Variants in CTNND2 observed in about 807,000 individuals in gnomAD.
CTNND2 encodes the protein catenin delta-2.
Under a neutral mutation model 144.4 loss-of-function variants are expected in CTNND2, and 22 were observed. That is an observed-to-expected ratio of 0.15 (90% CI 0.11 to 0.22). The LOEUF is 0.22. Ranked by LOEUF, CTNND2 falls within the 10% of genes least tolerant of loss-of-function variation. CTNND2 has a pLI of 1.00. For missense variants in CTNND2, 1,353 were observed against 1,618.8 expected (o/e 0.84, Z 2.82); for synonymous variants, 751 against 695.6 (o/e 1.08, Z -1.25).
At chr5:11,517,089 T>C (rs968743045) in intron 3 of CTNND2, among the ~76,000 whole-genome samples, 3 of 152,200 alleles carry the variant, frequency 2.0e-5, no homozygotes, top group African/African-American at 7.2e-5. Context: ...TTCTAGTTGC[T>C]GAATAAGCAA....
chr5:11,656,649 A>C (rs1377601949), intron 2 of CTNND2, among the ~76,000 whole-genome samples: 1 of 152,120 alleles, frequency 6.6e-6, no homozygotes, highest in Non-Finnish European at 1.5e-5. Context: ...TTGACAGGAA[A>C]GTCTTCACCC....
At chr5:11,331,605 A>G (rs1351144783) in intron 9 of CTNND2, among the ~76,000 whole-genome samples, 2 of 152,106 alleles carry the variant, frequency 1.3e-5, no homozygotes, top group Admixed American at 6.5e-5. Flanking sequence ...CCTATGGAAA[A>G]GTTTTCAGGG....
At chr5:11,815,903 C>A (rs1380295072) in intron 1 of CTNND2, among the ~76,000 whole-genome samples, 2 of 152,142 alleles carry the variant, frequency 1.3e-5, no homozygotes, top group African/African-American at 4.8e-5. Context: ...AAGGCTCCTC[C>A]TCATCATCTC....
At chr5:11,242,410 A>G (rs1390472270) in intron 9 of CTNND2, among the ~76,000 whole-genome samples, 5 of 152,242 alleles carry the variant, frequency 3.3e-5, no homozygotes, top group Non-Finnish European at 5.9e-5. Flanking sequence ...GCCTGCTATA[A>G]TCATTCTCTT....
chr5:11,506,971 G>T (rs25931), intron 3 of CTNND2, among the ~76,000 whole-genome samples: 1 of 151,960 alleles, frequency 6.6e-6, no homozygotes, highest in African/African-American at 2.4e-5. Flanking sequence ...CCCTTACATC[G>T]AATTAGTTGT....
At chr5:11,110,014 G>A (rs557135929) in intron 14 of CTNND2, among the ~76,000 whole-genome samples, 3 of 151,826 alleles carry the variant, frequency 2.0e-5, no homozygotes, top group Non-Finnish European at 4.4e-5. Context: ...TAAGCTCCTT[G>A]ATGAGATAAA....
At chr5:11,126,133 C>G (rs542289601) in intron 12 of CTNND2, among the ~76,000 whole-genome samples, 1 of 152,248 alleles carries the variant, frequency 6.6e-6, no homozygotes, top group South Asian at 2.1e-4. Flanking sequence ...GAATCCCTGT[C>G]TCTACTAAAA....
At chr5:11,396,905 C>T in intron 6 of CTNND2, 126 bp downstream of exon 6, 2 of 864,742 alleles carry the variant, frequency 2.3e-6, no homozygotes, top group Non-Finnish European at 3.5e-6. Context: ...GGCATTTTCC[C>T]TCAAGTTGAG....
chr5:11,068,336 C>T (rs1747844551), intron 16 of CTNND2, among the ~76,000 whole-genome samples: 2 of 152,126 alleles, frequency 1.3e-5, no homozygotes, highest in African/African-American at 4.8e-5. Context: ...GTGCATCCAA[C>T]TTTAAGAATG....
At chr5:11,845,955 T>C (rs931821255) in intron 1 of CTNND2, among the ~76,000 whole-genome samples, 1 of 152,204 alleles carries the variant, frequency 6.6e-6, no homozygotes, top group Non-Finnish European at 1.5e-5. Flanking sequence ...AGAGAAACTT[T>C]GATTTGTACT....
At chr5:11,233,046 T>C (rs1244646035) in intron 10 of CTNND2, among the ~76,000 whole-genome samples, 1 of 152,170 alleles carries the variant, frequency 6.6e-6, no homozygotes, top group East Asian at 1.9e-4. Flanking sequence ...GCCATGATTA[T>C]AAGTTTCCTG....
At chr5:11,615,459 T>C (rs945580493) in intron 2 of CTNND2, among the ~76,000 whole-genome samples, 1 of 152,244 alleles carries the variant, frequency 6.6e-6, no homozygotes, top group Non-Finnish European at 1.5e-5. Context: ...ATAAGCATTT[T>C]AGCATGACTA....
intron 1 of CTNND2, among the ~76,000 whole-genome samples, chr5:11,893,540 C>G (rs1737158649): frequency 6.6e-6 from 1 of 152,208 alleles, no homozygotes; most frequent in African/African-American, 2.4e-5. Flanking sequence ...CTACCTTGCA[C>G]CTTTCCACTT....
At chr5:11,677,617 G>A (rs932530519) in intron 2 of CTNND2, among the ~76,000 whole-genome samples, 1 of 152,098 alleles carries the variant, frequency 6.6e-6, no homozygotes, top group Non-Finnish European at 1.5e-5. Context: ...AGATAATAAT[G>A]TGTTTATGAA....
intron 16 of CTNND2, among the ~76,000 whole-genome samples, chr5:11,036,167 A>G (rs1185696985): frequency 6.6e-6 from 1 of 151,988 alleles, no homozygotes; most frequent in Non-Finnish European, 1.5e-5. Flanking sequence ...AGTCACTTTT[A>G]GCAAAATTTC....
rs144479901 is a variant in CTNND2 at position 11,519,146 on chromosome 5, T to C, written c.287+45798A>G. 4.1e-3 allele frequency among the ~76,000 whole-genome samples: 622 copies of C among 152,292 alleles called. 5 individuals are homozygous for C. The highest frequency in any genetic ancestry group is 0.014 in the African/African-American group (593 of 41,560). ...AGTAAGGTTAAGTGACTAGTTCATC[T>C]CAACATGCCTAGCAAACAAAGAATT... is the stretch of plus-strand genomic sequence containing the variant. On this transcript the variant is annotated intron_variant, in intron 3 of 21. Coordinates refer to ENST00000304623, the MANE Select transcript of CTNND2 (RefSeq NM_001332.4).
At chr5:11,558,230 G>A (rs988461069) in intron 3 of CTNND2, among the ~76,000 whole-genome samples, 1 of 152,322 alleles carries the variant, frequency 6.6e-6, no homozygotes, top group Admixed American at 6.5e-5. Context: ...TCTTGGTGCA[G>A]GGGATACAGG....
chr5:11,850,043 G>A (rs142908222), intron 1 of CTNND2, among the ~76,000 whole-genome samples: 1,684 of 152,100 alleles, frequency 0.011, 36 homozygotes, highest in African/African-American at 0.039. Flanking sequence ...AAACCTGCAC[G>A]TTCTGCACAT....
Position 11,903,918 on chromosome 5 carries a change from GGGCAAGGTCCT to G in CTNND2, c.-76_-66del. ...GCGTGCGCGGCGCCGCCCGGCTTCAGGGCAAGGTCCTGACCTTGCCCAACTGCAGCATCTTC... is the reference window on the plus strand; with the variant it reads ...GCGTGCGCGGCGCCGCCCGGCTTCAGGACCTTGCCCAACTGCAGCATCTTC... On this transcript the variant is annotated 5_prime_UTR_variant, in exon 1 of 22. An upstream open reading frame in the 5' UTR loses its in-frame stop. Transcript: ENST00000304623. The surrounding 1 kb of genome is among the most constrained non-coding windows in gnomAD (Gnocchi z 5.4). 1 of 1,391,486 alleles carries G rather than the reference GGGCAAGGTCCT, an allele frequency of 7.2e-7. No individual in the cohort carries two copies. Among genetic ancestry groups the G allele is most frequent in the Non-Finnish European group, 9.3e-7 (1 of 1,079,470 alleles). 86.2% of individuals were successfully genotyped at this position (1,391,486 alleles called of 1,614,324 possible).
Sources: allele counts gnomAD v4.1 joint callset (sites outside exome capture counted in the v4.1 genomes callset), GRCh38; gene constraint gnomAD v4.1.1; non-coding constraint Gnocchi (gnomAD v3.1); transcripts MANE v1.5; gene names NCBI Gene and HGNC (gene_info 2026-07-23, HGNC 2026-07-21).